Variants in ANO6 observed in about 807,000 individuals in gnomAD.
ANO6 encodes anoctamin 6.
ANO6 carries 106 observed loss-of-function variants against 117.5 expected under a neutral mutation model. That is an observed-to-expected ratio of 0.90 (90% CI 0.77 to 1.06). ANO6 has a LOEUF of 1.06. ANO6 is among the 50% of genes least tolerant of loss of function. The pLI is 0.00. For missense variants in ANO6, 955 were observed against 1,121.1 expected (o/e 0.85, Z 2.12); for synonymous variants, 367 against 385.1 (o/e 0.95, Z 0.55).
chr12:45,320,742 T>G (rs146658101), intron 2 of ANO6, among the ~76,000 whole-genome samples: 2,390 of 152,262 alleles, frequency 0.016, 52 homozygotes, highest in African/African-American at 0.053. Context: ...ATTATTATTG[T>G]GTGGGTGTCT....
At chr12:45,412,186 T>C (rs1422359029) in intron 16 of ANO6, among the ~76,000 whole-genome samples, 5 of 152,156 alleles carry the variant, frequency 3.3e-5, no homozygotes, top group African/African-American at 7.2e-5. Context: ...ATAATAAACG[T>C]AGTTGTCTGT....
At chr12:45,410,467 G>A (rs1380243345) in intron 16 of ANO6, among the ~76,000 whole-genome samples, 2 of 152,166 alleles carry the variant, frequency 1.3e-5, no homozygotes, top group Non-Finnish European at 2.9e-5. Flanking sequence ...AGTAGAACTT[G>A]ATTTTGACCT....
At chr12:45,432,592 A>G (rs1395821875), downstream of ANO6, among the ~76,000 whole-genome samples, 3 of 152,210 alleles carry the variant, frequency 2.0e-5, no homozygotes, top group Non-Finnish European at 4.4e-5. Flanking sequence ...CAATCTAGCA[A>G]ATTTTACCAC....
intron 10 of ANO6, among the ~76,000 whole-genome samples, chr12:45,386,139 G>A (rs1001797922): frequency 6.6e-6 from 1 of 152,156 alleles, no homozygotes; most frequent in Non-Finnish European, 1.5e-5. Context: ...ATAATTTACA[G>A]GGTGGTACCT....
intron 1 of ANO6, among the ~76,000 whole-genome samples, chr12:45,268,305 GAGGTT>G (rs1388551335): frequency 1.3e-5 from 2 of 152,288 alleles, no homozygotes; most frequent in African/African-American, 4.8e-5. Context: ...CAGATCACTT[GAGGTT>G]AGGATTCCAA....
intron 7 of ANO6, among the ~76,000 whole-genome samples, chr12:45,354,005 G>A (rs571212639): frequency 2.1e-4 from 32 of 152,152 alleles, no homozygotes; most frequent in Admixed American, 1.2e-3. Flanking sequence ...AGTCCAGGCC[G>A]GTACAATGTA....
intron 1 of ANO6, among the ~76,000 whole-genome samples, chr12:45,273,173 G>C (rs1238181995): frequency 6.6e-6 from 1 of 152,160 alleles, no homozygotes; most frequent in Admixed American, 6.5e-5. Flanking sequence ...TGGTCAAAGG[G>C]TACAGAGTTT....
intron 8 of ANO6, among the ~76,000 whole-genome samples, chr12:45,366,716 A>T (rs577182738): frequency 2.0e-5 from 3 of 152,332 alleles, no homozygotes; most frequent in African/African-American, 7.2e-5. Flanking sequence ...TTAAATATTG[A>T]TTATTACAAA....
chr12:45,368,443 C>A (rs941884915), intron 9 of ANO6, among the ~76,000 whole-genome samples: 3 of 152,176 alleles, frequency 2.0e-5, no homozygotes, highest in African/African-American at 7.2e-5. Flanking sequence ...GTCTCTATAA[C>A]TATGCATGAG....
chr12:45,402,541 C>T lies in ANO6; in HGVS notation c.1612+521C>T, dbSNP rs987695927. Among the ~76,000 whole-genome samples, 5 of 152,288 alleles carry T rather than the reference C, an allele frequency of 3.3e-5. No homozygotes were observed. In the South Asian group the frequency reaches 6.2e-4, roughly 19 times the overall value. On this transcript the variant is annotated intron_variant, in intron 13 of 19. Coordinates refer to ENST00000320560, the MANE Select transcript of ANO6 (RefSeq NM_001025356.3). ...AGTTAAGTGCTTCCCACACTGCATA[C>T]GTCTGAGTCGTTCCCTGAATGGCCT...
chr12:45,430,415 A>G lies in ANO6; in HGVS notation c.*1104A>G. ...GCCTTTTGTCAAGGAGTCTGCAGGA[A>G]TTGGCTTATTTCTGTATGCCAAAGT... On this transcript the variant is annotated 3_prime_UTR_variant, in exon 20 of 20. Transcript: ENST00000320560. 1.0e-6 allele frequency: 1 copy of G among 985,388 alleles called. No individual in the cohort carries two copies. Among genetic ancestry groups the G allele is most frequent in the Non-Finnish European group, 1.2e-6 (1 of 829,946 alleles). The allele number at this position is 985,388 out of a possible 1,614,324, so 61.0% of individuals were successfully genotyped here.
At chr12:45,359,619 C>T (rs1042324678) in intron 8 of ANO6, among the ~76,000 whole-genome samples, 3 of 149,170 alleles carry the variant, frequency 2.0e-5, no homozygotes, top group African/African-American at 7.3e-5. Context: ...TAGCATGTAT[C>T]AGTACTTCAT....
chr12:45,333,728 C>T (rs758324348), intron 3 of ANO6, among the ~76,000 whole-genome samples: 4 of 152,004 alleles, frequency 2.6e-5, no homozygotes, highest in East Asian at 1.9e-4. Flanking sequence ...TATACTTCAC[C>T]GAAATTCAAA....
At chr12:45,404,126 CTT>C (rs1168283485) in intron 15 of ANO6, among the ~76,000 whole-genome samples, 1 of 152,114 alleles carries the variant, frequency 6.6e-6, no homozygotes, top group Non-Finnish European at 1.5e-5. Flanking sequence ...TGAGTACAAA[CTT>C]TTAAGAATAG....
At chr12:45,304,553 C>A (rs1289470698) in intron 2 of ANO6, among the ~76,000 whole-genome samples, 1 of 152,018 alleles carries the variant, frequency 6.6e-6, no homozygotes, top group Non-Finnish European at 1.5e-5. Flanking sequence ...GGAGTTGAAC[C>A]GAAATAAAGC....
At position 45,357,577 on chromosome 12, in the gene ANO6, G is replaced by A. The variant is rs561269576; in HGVS notation, c.998+153G>A. On this transcript the variant is annotated intron_variant, in intron 8 of 19. Coordinates refer to ENST00000320560, the MANE Select transcript of ANO6 (RefSeq NM_001025356.3). ...CCCTTTTGTTCTGAGCACAATAACT[G>A]AGTGAAATGGAAAAATTTTTTTCTT... 9.2e-5 allele frequency among the ~76,000 whole-genome samples: 14 copies of A among 152,308 alleles called. No individual in the cohort carries two copies. The South Asian group carries it at 1.5e-3, about 16-fold the overall frequency.
chr12:45,257,057 ATCAT>A (rs1165785161), intron 1 of ANO6, among the ~76,000 whole-genome samples: 1 of 152,054 alleles, frequency 6.6e-6, no homozygotes, highest in Non-Finnish European at 1.5e-5. Flanking sequence ...AAAAAAAAAA[ATCAT>A]TCTTTCCAAG....
At position 45,216,285 on chromosome 12, in the gene ANO6, C is replaced by T. The variant is rs1446577374; in HGVS notation, c.-37C>T. The T allele has an allele frequency of 1.3e-6, 2 of 1,585,158 alleles. No homozygotes were observed. The highest frequency in any genetic ancestry group is 1.8e-5 in the Admixed American group (1 of 55,482). ...CGTTCTGGAACCCGGGAGCCCCCAACTTCGCGCCAAGTTCGGAGCCGCCTT... is the reference window on the plus strand; with the variant it reads ...CGTTCTGGAACCCGGGAGCCCCCAATTTCGCGCCAAGTTCGGAGCCGCCTT... On this transcript the variant is annotated 5_prime_UTR_variant, in exon 1 of 20. Coordinates refer to ENST00000320560, the MANE Select transcript of ANO6 (RefSeq NM_001025356.3).
At chr12:45,238,151 CT>C (rs71437709) in intron 1 of ANO6, among the ~76,000 whole-genome samples, 143 of 130,860 alleles carry the variant, frequency 1.1e-3, no homozygotes, top group Middle Eastern at 7.8e-3. Context: ...TTTTCTTTTT[CT>C]TTTTTTTTTT....
Sources: allele counts gnomAD v4.1 joint callset (sites outside exome capture counted in the v4.1 genomes callset), GRCh38; gene constraint gnomAD v4.1.1; transcripts MANE v1.5; gene names NCBI Gene and HGNC (gene_info 2026-07-23, HGNC 2026-07-21).